TTC8: variants seen among roughly 807,000 people sequenced by gnomAD.
TTC8 encodes tetratricopeptide repeat protein 8.
Under a neutral mutation model 72.5 loss-of-function variants are expected in TTC8, and 47 were observed. The observed-to-expected ratio is 0.65, with a 90% CI of 0.51 to 0.83. TTC8 has a LOEUF of 0.83. Among genes scored for constraint, TTC8 ranks in the 40% least tolerant of loss-of-function variants. The pLI, the probability that TTC8 is intolerant of heterozygous loss-of-function variation, is 0.00. For synonymous variants in TTC8, 199 were observed against 221.4 expected (o/e 0.90, Z 0.90); for missense variants, 611 against 623.2 (o/e 0.98, Z 0.21).
chr14:88,857,585 A>G (rs1281860900), intron 9 of TTC8, among the ~76,000 whole-genome samples: 1 of 152,188 alleles, frequency 6.6e-6, no homozygotes, highest in Non-Finnish European at 1.5e-5. Context: ...TATTTTCTAC[A>G]GTACCTTTGT....
At chr14:88,847,564 A>G (rs1042705676) in intron 7 of TTC8, among the ~76,000 whole-genome samples, 1 of 152,230 alleles carries the variant, frequency 6.6e-6, no homozygotes, top group South Asian at 2.1e-4. Flanking sequence ...GATTCATTAA[A>G]TGACACTTGA....
At chr14:88,827,360 A>G (rs2140949959) in intron 1 of TTC8, among the ~76,000 whole-genome samples, 1 of 152,358 alleles carries the variant, frequency 6.6e-6, no homozygotes, top group East Asian at 1.9e-4. Context: ...CAATATATAT[A>G]GAGTAGGTCT....
At chr14:88,839,261 GTTTCTTGAT>G (rs2094768053) in intron 2 of TTC8, among the ~76,000 whole-genome samples, 182 bp from the exon 3 acceptor site, 1 of 151,946 alleles carries the variant, frequency 6.6e-6, no homozygotes, top group Non-Finnish European at 1.5e-5. Flanking sequence ...TACATTGGTT[GTTTCTTGAT>G]TAATAATGAT....
chr14:88,851,448 CAT>C (rs2094833292), intron 7 of TTC8, among the ~76,000 whole-genome samples: 3 of 152,138 alleles, frequency 2.0e-5, no homozygotes, highest in South Asian at 4.2e-4. Flanking sequence ...AGTTAGAAGA[CAT>C]AAAAAATTTT....
At chr14:88,862,713 T>G (rs2094893653) in intron 10 of TTC8, among the ~76,000 whole-genome samples, 1 of 148,178 alleles carries the variant, frequency 6.7e-6, no homozygotes, top group Non-Finnish European at 1.5e-5. Context: ...CCTGGGTAGC[T>G]GGGACTACAG....
rs997626461 is a variant in TTC8, at chr14:88,871,468, CTG to C, written c.1050-77_1050-76del. 2.0e-5 allele frequency: 24 copies of C among 1,214,734 alleles called. No individual in the cohort carries two copies. The African/African-American group carries it at 3.6e-4, about 18-fold the overall frequency. The allele number at this position is 1,214,734 out of a possible 1,614,324, so 75.2% of individuals were successfully genotyped here. On this transcript the variant is annotated intron_variant, in intron 11 of 14. Coordinates refer to ENST00000380656, the MANE Select transcript of TTC8 (RefSeq NM_144596.4). This position sits in a 1 kb window ranked among gnomAD's most constrained non-coding sequence, Gnocchi z 4.1. ...AATCACAAGATGAATTCATTTTTAA[CTG>C]TGTAAAATATATATATATATGTCTT...
intron 10 of TTC8, among the ~76,000 whole-genome samples, chr14:88,868,640 GCATCTTTTTATGGCCAAGTGGCAGTTGC>G (rs879535189): frequency 1.3e-5 from 2 of 152,064 alleles, no homozygotes; most frequent in Non-Finnish European, 2.9e-5. Context: ...AAAATGGATA[GCATCTTTTTATGGCCAAGTGGCAGTTGC>G]CATGTAGTTG....
At chr14:88,879,519 T>C (rs931442767), downstream of TTC8, 2 of 152,080 alleles carry the variant, frequency 1.3e-5, no homozygotes, top group African/African-American at 4.8e-5. Flanking sequence ...AAATGTGTCA[T>C]GGCTGAGCCA....
chr14:88,866,382 AACAC>A (rs10553603), intron 10 of TTC8, among the ~76,000 whole-genome samples: 12,481 of 146,590 alleles, frequency 0.085, 1,080 homozygotes, highest in East Asian at 0.27. Flanking sequence ...GGGAGATTTA[AACAC>A]ACACACACAC....
At chr14:88,866,704 C>A (rs558585408) in intron 10 of TTC8, among the ~76,000 whole-genome samples, 1 of 152,240 alleles carries the variant, frequency 6.6e-6, no homozygotes, top group Admixed American at 6.5e-5. Flanking sequence ...AAACACTGAG[C>A]CTTCCTGTGT....
chr14:88,842,693 G>T (rs1343097083), intron 6 of TTC8, among the ~76,000 whole-genome samples: 1 of 152,132 alleles, frequency 6.6e-6, no homozygotes, highest in Non-Finnish European at 1.5e-5. Flanking sequence ...TCTGTTACTA[G>T]ATTTAGCCTG....
chr14:88,862,540 CCATATATATATATATA>C (rs2094890802), intron 10 of TTC8, among the ~76,000 whole-genome samples: 1 of 41,166 alleles, frequency 2.4e-5, no homozygotes, highest in Non-Finnish European at 4.7e-5. Context: ...CTCTCTCTCT[CCATATATATATATATA>C]TATATATATA....
rs371567980 is a variant in TTC8 at position 88,840,958 on chromosome 14, A to G, written c.329+30A>G. The G allele has an allele frequency of 1.9e-4, 314 of 1,613,948 alleles. 5 individuals are homozygous for G. In the Middle Eastern group the frequency reaches 2.5e-3, roughly 13 times the overall value. ...GTACTTCTGCTTCATAACCTCTGCC[A>G]CTAAATATTGATCAGACTGTATGAG... On this transcript the variant is annotated intron_variant, in intron 4 of 14. Coordinates refer to ENST00000380656, the MANE Select transcript of TTC8 (RefSeq NM_144596.4).
chr14:88,863,466 A>G (rs2094897192), intron 10 of TTC8, among the ~76,000 whole-genome samples: 1 of 152,214 alleles, frequency 6.6e-6, no homozygotes, highest in Non-Finnish European at 1.5e-5. Flanking sequence ...AGGGAAGCTC[A>G]TTAGAGACTC....
chr14:88,851,747 G>A (rs1446191847), intron 7 of TTC8, among the ~76,000 whole-genome samples: 1 of 151,920 alleles, frequency 6.6e-6, no homozygotes, highest in Non-Finnish European at 1.5e-5. Context: ...GTACTGTGTG[G>A]CTTCTTTTTA....
chr14:88,854,364 C>T (rs2094846810), intron 8 of TTC8, among the ~76,000 whole-genome samples: 1 of 152,166 alleles, frequency 6.6e-6, no homozygotes, highest in Admixed American at 6.5e-5. Context: ...ATTCAGTATT[C>T]TTTCACTTAT....
chr14:88,839,035 T>C (rs1251260476), intron 2 of TTC8, among the ~76,000 whole-genome samples: 1 of 152,198 alleles, frequency 6.6e-6, no homozygotes, highest in African/African-American at 2.4e-5. Flanking sequence ...GAGTGTGTAA[T>C]AGGTTTAGAA....
At chr14:88,876,246 G>T (rs2094956933) in intron 14 of TTC8, among the ~76,000 whole-genome samples, 1 of 152,152 alleles carries the variant, frequency 6.6e-6, no homozygotes, top group Non-Finnish European at 1.5e-5. Flanking sequence ...ACTCAAATGA[G>T]ATATCTTCTT....
intron 1 of TTC8, among the ~76,000 whole-genome samples, chr14:88,825,781 C>T (rs1299812157): frequency 2.0e-5 from 3 of 152,102 alleles, no homozygotes; most frequent in Admixed American, 2.0e-4. Flanking sequence ...TGTTACTAGG[C>T]TCTGCCTTAG....
Sources: allele counts gnomAD v4.1 joint callset (sites outside exome capture counted in the v4.1 genomes callset), GRCh38; gene constraint gnomAD v4.1.1; non-coding constraint Gnocchi (gnomAD v3.1); transcripts MANE v1.5; gene names NCBI Gene and HGNC (gene_info 2026-07-23, HGNC 2026-07-21).